Variants in RGS6 observed in about 807,000 individuals in gnomAD.
RGS6 encodes the protein regulator of G-protein signaling 6.
A neutral mutation model predicts 78.5 loss-of-function variants in RGS6; 30 were observed. The observed-to-expected ratio is 0.38, with a 90% CI of 0.29 to 0.52. RGS6 has a LOEUF of 0.52. RGS6 is among the 20% of genes least tolerant of loss of function. RGS6 has a pLI of 0.85. For synonymous variants in RGS6, 206 were observed against 206.0 expected (o/e 1.00, Z 0.00); for missense variants, 495 against 609.7 (o/e 0.81, Z 1.98).
chr14:72,373,628 A>G (rs1407579166), intron 3 of RGS6, among the ~76,000 whole-genome samples: 6 of 152,300 alleles, frequency 3.9e-5, no homozygotes, highest in Middle Eastern at 3.4e-3. Flanking sequence ...CGATTATTAG[A>G]TGAGTAGGGG....
At chr14:71,886,360 C>G in the RGS6 span, among the ~76,000 whole-genome samples, 1 of 152,164 alleles carries the variant, frequency 6.6e-6, no homozygotes, top group African/African-American at 2.4e-5. Flanking sequence ...GCAGGATCTT[C>G]AATTAACGTC....
intron 2 of RGS6, among the ~76,000 whole-genome samples, chr14:72,000,260 C>T (rs1265446270): frequency 6.6e-6 from 1 of 152,154 alleles, no homozygotes; most frequent in Non-Finnish European, 1.5e-5. Context: ...AAGAAGTGGA[C>T]ATGAGTCTTG....
intron 17 of RGS6, chr14:72,541,193 C>A (rs1394199016): frequency 1.4e-6 from 2 of 1,395,242 alleles, no homozygotes; most frequent in Non-Finnish European, 1.9e-6. Context: ...TGTTCCACCT[C>A]TGTTGAGGAG....
At chr14:72,465,083 A>G (rs1437640487) in intron 6 of RGS6, among the ~76,000 whole-genome samples, 1 of 152,224 alleles carries the variant, frequency 6.6e-6, no homozygotes, top group African/African-American at 2.4e-5. Flanking sequence ...AGAGAGAAAG[A>G]CTTTCCTCAA....
chr14:72,397,912 T>G (rs1267030892), intron 3 of RGS6, among the ~76,000 whole-genome samples: 1 of 152,242 alleles, frequency 6.6e-6, no homozygotes, highest in Non-Finnish European at 1.5e-5. Context: ...CACTTGATTA[T>G]GGTGGATAAG....
chr14:72,479,690 C>T (rs1369406884), intron 12 of RGS6, among the ~76,000 whole-genome samples: 1 of 152,142 alleles, frequency 6.6e-6, no homozygotes. Flanking sequence ...CTCATACCTC[C>T]TCTCTCATCA....
At chr14:71,999,383 G>A (rs1306354580) in intron 2 of RGS6, among the ~76,000 whole-genome samples, 5 of 152,310 alleles carry the variant, frequency 3.3e-5, no homozygotes, top group East Asian at 3.9e-4. Context: ...GGGATGGTGC[G>A]GAATGCTTTT....
chr14:72,276,421 G>GAT (rs549596753), intron 2 of RGS6, among the ~76,000 whole-genome samples: 66 of 152,242 alleles, frequency 4.3e-4, no homozygotes, highest in African/African-American at 1.5e-3. Context: ...CACATAGATT[G>GAT]ATATATATAT....
chr14:72,162,171 T>A (rs17768883), intron 2 of RGS6, among the ~76,000 whole-genome samples: 15,820 of 132,288 alleles, frequency 0.12, 802 homozygotes, highest in Non-Finnish European at 0.13. Flanking sequence ...GTAAAATACC[T>A]AATTAGTACA....
At chr14:72,220,139 C>T (rs2046519233) in intron 2 of RGS6, among the ~76,000 whole-genome samples, 1 of 152,134 alleles carries the variant, frequency 6.6e-6, no homozygotes, top group East Asian at 1.9e-4. Flanking sequence ...ATAATCGCTA[C>T]AAAAAGAATA....
chr14:72,170,268 T>C (rs766198518), intron 2 of RGS6, among the ~76,000 whole-genome samples: 1 of 152,230 alleles, frequency 6.6e-6, no homozygotes, highest in Non-Finnish European at 1.5e-5. Flanking sequence ...TAATACAGAC[T>C]GAGGTAGACC....
chr14:72,450,080 C>T (rs2095455626), intron 3 of RGS6, among the ~76,000 whole-genome samples: 1 of 151,998 alleles, frequency 6.6e-6, no homozygotes, highest in Non-Finnish European at 1.5e-5. Context: ...AGAAATTTCC[C>T]ATTATTTGAT....
In RGS6 at chr14:72,179,721, G is replaced by C. The variant is rs551341262; in HGVS notation, c.85-172374G>C. Among the ~76,000 whole-genome samples, 4 of 141,692 alleles carry C rather than the reference G, an allele frequency of 2.8e-5. No individual in the cohort carries two copies. The East Asian group carries it at 8.4e-4, about 30-fold the overall frequency. The allele number at this position is 141,692 out of a possible 152,430, so 93.0% of individuals were successfully genotyped here. A position where few individuals can be genotyped will look rare whatever the true frequency, so the allele number is the denominator to read the frequency against. The stretch of plus-strand genomic sequence containing the variant: ...TATACTTTTAGGTTATTTGTGAATT[G>C]AGTCAGCTCATGTAACAGTGATTCT... On this transcript the variant is annotated intron_variant, in intron 2 of 17. Coordinates refer to ENST00000553525, the MANE Select transcript of RGS6 (RefSeq NM_001204424.2).
intron 12 of RGS6, among the ~76,000 whole-genome samples, chr14:72,493,229 A>G (rs1269190564): frequency 2.6e-5 from 4 of 152,208 alleles, no homozygotes; most frequent in Admixed American, 1.3e-4. Context: ...AACCGACAGA[A>G]AAAAGGAACT....
intron 15 of RGS6, among the ~76,000 whole-genome samples, chr14:72,535,054 C>G (rs986839288): frequency 6.6e-6 from 1 of 152,226 alleles, no homozygotes; most frequent in Non-Finnish European, 1.5e-5. Context: ...AGCTGAATTC[C>G]ACTTCAATGG....
intron 2 of RGS6, among the ~76,000 whole-genome samples, chr14:72,201,476 C>A (rs1335794290): frequency 2.0e-5 from 3 of 152,180 alleles, no homozygotes; most frequent in Non-Finnish European, 4.4e-5. Context: ...ATTGACTTCA[C>A]ACTAAATTCG....
At chr14:72,542,133 G>A (rs1379178857) in intron 17 of RGS6, among the ~76,000 whole-genome samples, 2 of 151,898 alleles carry the variant, frequency 1.3e-5, no homozygotes, top group Admixed American at 1.3e-4. Flanking sequence ...TAAATTCCCT[G>A]CTATTTTATG....
chr14:72,579,195 C>T, the RGS6 span, among the ~76,000 whole-genome samples: 215 of 151,104 alleles, frequency 1.4e-3, no homozygotes, highest in Non-Finnish European at 2.6e-3. Context: ...GGGATGACTT[C>T]AGTGTGACCA....
chr14:72,325,494 A>G (rs1226773413), intron 2 of RGS6, among the ~76,000 whole-genome samples: 1 of 152,150 alleles, frequency 6.6e-6, no homozygotes, highest in East Asian at 1.9e-4. Context: ...TAGGTCTTAC[A>G]TTTAAGTCTT....
Sources: allele counts gnomAD v4.1 joint callset (sites outside exome capture counted in the v4.1 genomes callset), GRCh38; gene constraint gnomAD v4.1.1; transcripts MANE v1.5; gene names NCBI Gene and HGNC (gene_info 2026-07-23, HGNC 2026-07-21).